PLEKHA5: variants seen among roughly 807,000 people sequenced by gnomAD.
PLEKHA5 encodes the protein pleckstrin homology domain containing A5.
A neutral mutation model predicts 181.9 loss-of-function variants in PLEKHA5; 55 were observed. The ratio of observed to expected loss-of-function variants is 0.30; its 90% CI spans 0.24 to 0.38. The LOEUF (loss-of-function observed/expected upper bound fraction) is 0.38, where lower values mean the gene tolerates loss of function less well. Ranked by LOEUF, PLEKHA5 falls within the 10% of genes least tolerant of loss-of-function variation. The pLI is 1.00. For synonymous variants in PLEKHA5, 535 were observed against 529.4 expected (o/e 1.01, Z -0.15); for missense variants, 1,432 against 1,549.5 (o/e 0.92, Z 1.27).
rs1344584521 is a variant in PLEKHA5, at chr12:19,130,258, C to T, written c.169+128C>T. On this transcript the variant is annotated intron_variant, in intron 2 of 31. Transcript: ENST00000429027. This position sits in a 1 kb window ranked among gnomAD's most constrained non-coding sequence, Gnocchi z 4.5. The stretch of plus-strand genomic sequence containing the variant: ...GCGGCGAGGCGGGGCGGAGGCCGGG[C>T]GGGAGCGGCCGCAGGTAGAGGGGCC... 2.2e-5 allele frequency: 9 copies of T among 412,368 alleles called. No individual in the cohort carries two copies. The highest frequency in any genetic ancestry group is 3.5e-5 in the Non-Finnish European group (9 of 253,588). 25.5% of individuals were successfully genotyped at this position (412,368 alleles called of 1,614,324 possible).
At chr12:19,288,340 A>G (rs1034805080) in intron 13 of PLEKHA5, among the ~76,000 whole-genome samples, 1 of 152,208 alleles carries the variant, frequency 6.6e-6, no homozygotes, top group Non-Finnish European at 1.5e-5. Context: ...GCAAGTATTT[A>G]CCATTACCAT....
chr12:19,349,089 TTTGTTGTTGTTGTTG>T (rs146606952), intron 25 of PLEKHA5, among the ~76,000 whole-genome samples: 3 of 144,816 alleles, frequency 2.1e-5, no homozygotes, highest in African/African-American at 2.5e-5. Flanking sequence ...GGTGGTTGTT[TTTGTTGTTGTTGTTG>T]TTGTTGTTGT....
intron 15 of PLEKHA5, among the ~76,000 whole-genome samples, chr12:19,297,547 G>A (rs1393143841): frequency 1.3e-5 from 2 of 149,810 alleles, no homozygotes; most frequent in East Asian, 2.0e-4. Context: ...GCGTGAACCC[G>A]GGAAGCGGAG....
intron 3 of PLEKHA5, among the ~76,000 whole-genome samples, chr12:19,191,431 A>C (rs74465549): frequency 0.086 from 13,138 of 152,256 alleles, 594 homozygotes; most frequent in South Asian, 0.12. Context: ...ACAGCCTAGC[A>C]TCCATCACTA....
intron 3 of PLEKHA5, among the ~76,000 whole-genome samples, chr12:19,217,173 G>T (rs1461521026): frequency 1.3e-5 from 2 of 152,174 alleles, no homozygotes; most frequent in Non-Finnish European, 2.9e-5. Flanking sequence ...GATACATGGG[G>T]TTTTTCAGTC....
intron 29 of PLEKHA5, among the ~76,000 whole-genome samples, chr12:19,364,949 C>T (rs1258375230): frequency 2.6e-5 from 4 of 152,188 alleles, no homozygotes; most frequent in South Asian, 2.1e-4. Context: ...CGTGAGCCAC[C>T]GCGCTCAGCC....
At position 19,212,838 on chromosome 12, in the gene PLEKHA5, T is replaced by G. The variant is rs12229842; in HGVS notation, c.228-41102T>G. 2.7e-3 allele frequency among the ~76,000 whole-genome samples: 351 copies of G among 129,190 alleles called. 4 individuals are homozygous for G. Among genetic ancestry groups the G allele is most frequent in the East Asian group, 0.022 (102 of 4,670 alleles). 84.8% of individuals were successfully genotyped at this position (129,190 alleles called of 152,430 possible). A position where few individuals can be genotyped will look rare whatever the true frequency, so the allele number is the denominator to read the frequency against. ...TGAGAGTGGGTTTTTTTTTGTTGTTTTTTTTTTTTTTTTAATTTCAGGCTC... is the reference window on the plus strand; with the variant it reads ...TGAGAGTGGGTTTTTTTTTGTTGTTGTTTTTTTTTTTTTAATTTCAGGCTC... On this transcript the variant is annotated intron_variant, in intron 3 of 31. Transcript: ENST00000429027.
chr12:19,358,250 A>G lies in PLEKHA5; in HGVS notation c.3161A>G (p.Glu1054Gly). ...AAGGAAAGACCAAGAAGTGCAGTGG[A>G]ACAGCTCTGTTTGGCTGAAAGTACT... is the stretch of plus-strand genomic sequence containing the variant. The part of the protein sequence containing the change: ...LRTERPRSAV[E>G]QLCLAESTRP... Residue 1054 changes from glutamate to glycine, a missense_variant, in exon 27 of 32, where the codon GAA (glutamate) becomes GGA (glycine). Physicochemically the swap from Glu to Gly is moderately conservative, Grantham distance 98. Transcript: ENST00000429027. The G allele has an allele frequency of 6.2e-7, 1 of 1,613,608 alleles. No homozygotes were observed.
chr12:19,152,252 CTG>C (rs1565872777), intron 3 of PLEKHA5: 3 of 152,138 alleles, frequency 2.0e-5, no homozygotes, highest in African/African-American at 4.8e-5. Flanking sequence ...AAAGTTCAAA[CTG>C]TGTGATGAAC....
At chr12:19,252,326 T>G (rs1319128959) in intron 3 of PLEKHA5, among the ~76,000 whole-genome samples, 1 of 152,136 alleles carries the variant, frequency 6.6e-6, no homozygotes, top group East Asian at 1.9e-4. Flanking sequence ...AAAAGAAAAC[T>G]AATATTCAAT....
At chr12:19,238,336 A>G (rs2061762430) in intron 3 of PLEKHA5, among the ~76,000 whole-genome samples, 1 of 152,124 alleles carries the variant, frequency 6.6e-6, no homozygotes, top group African/African-American at 2.4e-5. Flanking sequence ...GAATGTAAAA[A>G]GAATAACAAG....
intron 20 of PLEKHA5, among the ~76,000 whole-genome samples, chr12:19,335,950 A>C (rs2093393921): frequency 6.6e-6 from 1 of 152,056 alleles, no homozygotes; most frequent in Non-Finnish European, 1.5e-5. Flanking sequence ...ATTTTTAAGC[A>C]CCTCTAGAAT....
chr12:19,339,672 C>G (rs2093708967), intron 21 of PLEKHA5, among the ~76,000 whole-genome samples: 1 of 151,772 alleles, frequency 6.6e-6, no homozygotes, highest in East Asian at 1.9e-4. Flanking sequence ...ATAAAAACCA[C>G]AAGTAGTTAA....
intron 3 of PLEKHA5, among the ~76,000 whole-genome samples, chr12:19,143,801 T>G (rs2038130290): frequency 6.6e-6 from 1 of 152,176 alleles, no homozygotes; most frequent in South Asian, 2.1e-4. Flanking sequence ...CGTTATATAT[T>G]TATTCAGTAG....
chr12:19,185,599 T>A (rs561578551), intron 3 of PLEKHA5, among the ~76,000 whole-genome samples: 1 of 152,234 alleles, frequency 6.6e-6, no homozygotes, highest in Non-Finnish European at 1.5e-5. Flanking sequence ...CATTCCTGAA[T>A]CTACTCCTGA....
intron 15 of PLEKHA5, among the ~76,000 whole-genome samples, chr12:19,308,654 C>T (rs2085057050): frequency 6.6e-6 from 1 of 152,068 alleles, no homozygotes; most frequent in Non-Finnish European, 1.5e-5. Context: ...GCAAGAATAT[C>T]CTAAATGTCA....
chr12:19,175,479 G>T (rs1320517467), intron 3 of PLEKHA5, among the ~76,000 whole-genome samples: 1 of 152,108 alleles, frequency 6.6e-6, no homozygotes, highest in African/African-American at 2.4e-5. Context: ...AAAAAAGCAA[G>T]TTTTAAAGCA....
intron 3 of PLEKHA5, among the ~76,000 whole-genome samples, chr12:19,169,812 T>G (rs927750791): frequency 2.0e-5 from 3 of 152,334 alleles, no homozygotes; most frequent in Admixed American, 2.0e-4. Context: ...GGATTGAGCA[T>G]CTTTCTGGGC....
In PLEKHA5 at chr12:19,239,675, A is replaced by G. The variant is rs1215074194; in HGVS notation, c.228-14265A>G. 2.0e-5 allele frequency among the ~76,000 whole-genome samples: 3 copies of G among 152,194 alleles called. No individual in the cohort carries two copies. In the East Asian group the frequency reaches 5.8e-4, roughly 29 times the overall value. On this transcript the variant is annotated intron_variant, in intron 3 of 31. Transcript: ENST00000429027. The stretch of plus-strand genomic sequence containing the variant: ...TATAACACATTTTATATACATAAAC[A>G]TATTGTTAGTCAAAGCCTAGATTTT...
Sources: allele counts gnomAD v4.1 joint callset (sites outside exome capture counted in the v4.1 genomes callset), GRCh38; gene constraint gnomAD v4.1.1; non-coding constraint Gnocchi (gnomAD v3.1); transcripts MANE v1.5; gene names NCBI Gene and HGNC (gene_info 2026-07-23, HGNC 2026-07-21).